The following AGPAT5 variants were observed in gnomAD, a reference collection of about 807,000 sequenced individuals.
AGPAT5 encodes the protein 1-acyl-sn-glycerol-3-phosphate acyltransferase epsilon.
In AGPAT5, 46 loss-of-function variants were observed where a neutral mutation model predicts 45.6. That is an observed-to-expected ratio of 1.01 (90% confidence interval 0.80 to 1.29). The LOEUF is 1.29. Ranked by LOEUF, AGPAT5 falls within the 50% of genes most tolerant of loss-of-function variation. AGPAT5 has a pLI of 0.00. For missense variants in AGPAT5, 673 were observed against 450.7 expected (o/e 1.49, Z -4.47); for synonymous variants, 272 against 167.0 (o/e 1.63, Z -4.85).
chr8:6,718,493 A>T (rs1261208303), intron 1 of AGPAT5, among the ~76,000 whole-genome samples: 1 of 123,542 alleles, frequency 8.1e-6, no homozygotes, highest in African/African-American at 3.4e-5. Flanking sequence ...GAGGCTTGTA[A>T]CATCCTTCTG....
At chr8:6,740,515 T>C (rs1366974812) in intron 4 of AGPAT5, among the ~76,000 whole-genome samples, 1 of 148,460 alleles carries the variant, frequency 6.7e-6, no homozygotes, top group African/African-American at 2.4e-5. Flanking sequence ...AAAAATAATA[T>C]AAATTATTAA....
chr8:6,751,892 A>G (rs1272159973), intron 6 of AGPAT5, among the ~76,000 whole-genome samples: 2 of 152,184 alleles, frequency 1.3e-5, no homozygotes, highest in Non-Finnish European at 2.9e-5. Flanking sequence ...TATTTAAAGT[A>G]TGGAGGCCGG....
In AGPAT5 at chr8:6,761,386, T is replaced by C. The variant is rs1802040101; in HGVS notation, c.*3998T>C. On this transcript the variant is annotated 3_prime_UTR_variant, in exon 8 of 8. Coordinates refer to ENST00000285518, the MANE Select transcript of AGPAT5 (RefSeq NM_018361.5). ...ATTCTGTGTCTCCAGCAGGCAAGAA[T>C]ACTTGACTAACTCTTTTTGTCTCTT... Among the ~76,000 whole-genome samples, 1 of 152,248 alleles carries C rather than the reference T, an allele frequency of 6.6e-6. No individual in the cohort carries two copies. Among genetic ancestry groups the C allele is most frequent in the African/African-American group, 2.4e-5 (1 of 41,472 alleles).
Position 6,755,183 on chromosome 8 carries a change from C to CAACA in AGPAT5, c.869+10_869+13dup. 6.3e-7 allele frequency: 1 copy of CAACA among 1,593,178 alleles called. No individual in the cohort carries two copies. Among genetic ancestry groups the CAACA allele is most frequent in the Non-Finnish European group, 8.5e-7 (1 of 1,175,902 alleles). Reference sequence around the variant, plus strand: ...TTCGAAATCAAAGATAAGTGAGTAACAACAGTTCCAGCACTTCCGGAACTT... The same window carrying CAACA: ...TTCGAAATCAAAGATAAGTGAGTAACAACAAACAGTTCCAGCACTTCCGGAACTT... On this transcript the variant is annotated intron_variant, in intron 7 of 7. Transcript: ENST00000285518.
intron 1 of AGPAT5, 72 bp downstream of exon 1, chr8:6,708,959 C>T (rs774992583): frequency 2.8e-6 from 4 of 1,451,262 alleles, no homozygotes; most frequent in African/African-American, 1.4e-5. Flanking sequence ...TCCGCTCCCC[C>T]ACAGCTGGCG....
At chr8:6,720,678 C>A (rs959476425) in intron 1 of AGPAT5, among the ~76,000 whole-genome samples, 1 of 152,162 alleles carries the variant, frequency 6.6e-6, no homozygotes, top group Non-Finnish European at 1.5e-5. Flanking sequence ...TCATCAATCA[C>A]GCAGATCCAG....
chr8:6,713,059 C>A (rs1800204752), intron 1 of AGPAT5, among the ~76,000 whole-genome samples: 1 of 152,216 alleles, frequency 6.6e-6, no homozygotes, highest in Admixed American at 6.5e-5. Context: ...GTGGCACCAT[C>A]ATTGCTCATT....
rs1458966962 is a variant in AGPAT5, at chr8:6,758,731, A to G, written c.*1343A>G. 6.5e-6 allele frequency: 1 copy of G among 152,676 alleles called. No individual in the cohort carries two copies. Among genetic ancestry groups the G allele is most frequent in the Non-Finnish European group, 1.5e-5 (1 of 68,036 alleles). 9.5% of individuals were successfully genotyped at this position (152,676 alleles called of 1,614,324 possible). On this transcript the variant is annotated 3_prime_UTR_variant, in exon 8 of 8. Transcript: ENST00000285518. ...AGGAACCAGATCACGATTTTTAGCC[A>G]TGGAACAATATATCCCATGGGAGAA... is the stretch of plus-strand genomic sequence containing the variant.
chr8:6,753,585 G>T (rs1317238135), intron 6 of AGPAT5, among the ~76,000 whole-genome samples: 1 of 152,076 alleles, frequency 6.6e-6, no homozygotes, highest in East Asian at 1.9e-4. Flanking sequence ...TTATAGACTT[G>T]CACCCTTAGG....
At chr8:6,751,407 A>C (rs908942343) in intron 6 of AGPAT5, among the ~76,000 whole-genome samples, 1 of 152,240 alleles carries the variant, frequency 6.6e-6, no homozygotes, top group Non-Finnish European at 1.5e-5. Context: ...ATTGTTGAAC[A>C]TGCAGGGCCT....
At chr8:6,730,864 T>C in intron 3 of AGPAT5, 38 bp downstream of exon 3, 1 of 1,392,372 alleles carries the variant, frequency 7.2e-7, no homozygotes, top group Non-Finnish European at 9.7e-7. Context: ...ATATATGTAG[T>C]TTATAAATTT....
intron 1 of AGPAT5, among the ~76,000 whole-genome samples, chr8:6,723,368 G>T (rs1468151652): frequency 2.0e-5 from 3 of 152,136 alleles, no homozygotes; most frequent in African/African-American, 4.8e-5. Flanking sequence ...TTATAATTAT[G>T]TAGAGACAGG....
chr8:6,753,224 C>T (rs1474119211), intron 6 of AGPAT5, among the ~76,000 whole-genome samples: 1 of 152,162 alleles, frequency 6.6e-6, no homozygotes, highest in African/African-American at 2.4e-5. Context: ...TAGTAGAGGC[C>T]CTGCCACGTC....
chr8:6,719,058 T>A (rs928027791), intron 1 of AGPAT5, among the ~76,000 whole-genome samples: 10 of 152,234 alleles, frequency 6.6e-5, no homozygotes, highest in Admixed American at 5.9e-4. Flanking sequence ...AAATTTGTTT[T>A]AAGTGCAAAC....
In AGPAT5 at chr8:6,757,279, G is replaced by A. The variant is rs149363545; in HGVS notation, c.986G>A (p.Ser329Asn). Residue 329 changes from serine (S) to asparagine (N), a missense_variant, in exon 8 of 8, where the codon AGT becomes AAT. Coordinates refer to ENST00000285518, the MANE Select transcript of AGPAT5 (RefSeq NM_018361.5). Reference protein sequence around the residue: ...KKTLPSMLILSGLTAGMLMTD... With the variant: ...KKTLPSMLILNGLTAGMLMTD... Reference sequence around the variant, plus strand: ...ACTTTACCATCAATGTTGATCTTAAGTGGTTTGACTGCAGGCATGCTTATG... The same window carrying A: ...ACTTTACCATCAATGTTGATCTTAAATGGTTTGACTGCAGGCATGCTTATG... The A allele has an allele frequency of 6.2e-7, 1 of 1,614,052 alleles. No homozygotes were observed. Among genetic ancestry groups the A allele is most frequent in the African/African-American group, 1.3e-5 (1 of 74,922 alleles).
chr8:6,726,888 G>C (rs1265108250), intron 2 of AGPAT5, among the ~76,000 whole-genome samples: 1 of 152,154 alleles, frequency 6.6e-6, no homozygotes, highest in African/African-American at 2.4e-5. Context: ...GAAAATACTA[G>C]GGGAATGATT....
chr8:6,735,599 C>G (rs1801024140), intron 4 of AGPAT5, among the ~76,000 whole-genome samples: 1 of 152,146 alleles, frequency 6.6e-6, no homozygotes, highest in African/African-American at 2.4e-5. Context: ...TCCATGTTTC[C>G]TTAGACTTTT....
At chr8:6,718,051 G>C (rs1800388650) in intron 1 of AGPAT5, among the ~76,000 whole-genome samples, 1 of 152,136 alleles carries the variant, frequency 6.6e-6, no homozygotes, top group South Asian at 2.1e-4. Flanking sequence ...AATACTTTTT[G>C]TCATGCTATT....
At chr8:6,750,548 T>A (rs1410604464) in intron 6 of AGPAT5, among the ~76,000 whole-genome samples, 2 of 152,168 alleles carry the variant, frequency 1.3e-5, no homozygotes, top group African/African-American at 4.8e-5. Context: ...TGGGAAATTA[T>A]TTACAACCTA....
Sources: gnomAD v4.1 joint callset for allele counts (sites outside exome capture counted in the v4.1 genomes callset) on GRCh38, gnomAD v4.1.1 for gene constraint, MANE v1.5 for transcripts, NCBI Gene and HGNC (gene_info 2026-07-23, HGNC 2026-07-21) for gene names.